The following PLD5 variants were observed in gnomAD, a reference collection of about 807,000 sequenced individuals.
PLD5 encodes inactive phospholipase D5.
In PLD5, 36 loss-of-function variants were observed where a neutral mutation model predicts 61.1. The observed-to-expected ratio is 0.59, with a 90% confidence interval of 0.45 to 0.78. PLD5 has a LOEUF of 0.78. Ranked by LOEUF, PLD5 falls within the 30% of genes least tolerant of loss-of-function variation. The pLI, the probability that PLD5 is intolerant of heterozygous loss-of-function variation, is 0.00. For synonymous variants in PLD5, 243 were observed against 242.8 expected, an observed-to-expected ratio of 1.00 and a Z score of -0.01; for missense variants, 515 against 644.4, an observed-to-expected ratio of 0.80 and a Z score of 2.17.
chr1:242,464,972 C>T (rs1667230353), intron 1 of PLD5, among the ~76,000 whole-genome samples: 1 of 152,144 alleles, frequency 6.6e-6, no homozygotes, highest in African/African-American at 2.4e-5. Flanking sequence ...TAGAAATTAT[C>T]TTTGTGGTTG....
In PLD5 at chr1:242,276,093, C is replaced by T. The variant is rs547908438; in HGVS notation, c.496-10645G>A. ...TGGCTCATGCCTGTAATCACAACCACTTGGTCAGGCCAGGCAGGAGGATCA... is the reference window on the plus strand; with the variant it reads ...TGGCTCATGCCTGTAATCACAACCATTTGGTCAGGCCAGGCAGGAGGATCA... On this transcript the variant is annotated intron_variant, in intron 3 of 9. Coordinates refer to ENST00000536534, the MANE Select transcript of PLD5 (RefSeq NM_001372062.1). 7.0e-4 allele frequency among the ~76,000 whole-genome samples: 106 copies of T among 152,154 alleles called. 1 individual carries two copies. In the Middle Eastern group the frequency reaches 0.01, roughly 15 times the overall value.
In PLD5 at chr1:242,345,786, G is replaced by A; in HGVS notation, c.326+2320C>T. The A allele has an allele frequency of 7.6e-6, 4 of 528,264 alleles. No homozygotes were observed. The Admixed American group carries it at 1.1e-4, about 14-fold the overall frequency. The allele number at this position is 528,264 out of a possible 1,614,324, so 32.7% of individuals were successfully genotyped here. A position where few individuals can be genotyped will look rare whatever the true frequency, so the allele number is the denominator to read the frequency against. ...ACAACAGGTTGGAAACTGGATTAGG[G>A]TATAAGGAAATGCAGCAACCCTACC... On this transcript the variant is annotated intron_variant, in intron 2 of 9. Transcript: ENST00000536534.
intron 5 of PLD5, among the ~76,000 whole-genome samples, chr1:242,198,004 G>A (rs923243588): frequency 6.6e-6 from 1 of 151,948 alleles, no homozygotes; most frequent in African/African-American, 2.4e-5. Flanking sequence ...AAACACCCTC[G>A]GCCTCACTGT....
At chr1:242,258,207 T>C (rs1673190057) in intron 4 of PLD5, among the ~76,000 whole-genome samples, 3 of 152,184 alleles carry the variant, frequency 2.0e-5, no homozygotes, top group Admixed American at 1.3e-4. Context: ...GCACACTTCC[T>C]ATCACTGAAT....
intron 2 of PLD5, among the ~76,000 whole-genome samples, chr1:242,313,708 A>G (rs1411974005): frequency 6.6e-6 from 1 of 152,166 alleles, no homozygotes; most frequent in African/African-American, 2.4e-5. Flanking sequence ...ACCTTTTCCA[A>G]CAAAAAATCT....
chr1:242,521,955 T>C (rs1034240218), intron 1 of PLD5, among the ~76,000 whole-genome samples: 1 of 141,600 alleles, frequency 7.1e-6, no homozygotes, highest in African/African-American at 2.6e-5. Flanking sequence ...TATAAACAAC[T>C]AGCTCTTGAA....
chr1:242,416,447 A>T (rs1358465507), intron 1 of PLD5, among the ~76,000 whole-genome samples: 1 of 152,214 alleles, frequency 6.6e-6, no homozygotes, highest in Non-Finnish European at 1.5e-5. Flanking sequence ...ATGTTACATG[A>T]CACAGAATAT....
At chr1:242,357,611 G>C (rs144912960) in intron 1 of PLD5, among the ~76,000 whole-genome samples, 3 of 151,140 alleles carry the variant, frequency 2.0e-5, no homozygotes, top group Non-Finnish European at 2.9e-5. Flanking sequence ...TCAGCCTCCC[G>C]AGTAGCTGGG....
At chr1:242,301,438 G>A (rs1676030598) in intron 2 of PLD5, among the ~76,000 whole-genome samples, 1 of 152,058 alleles carries the variant, frequency 6.6e-6, no homozygotes. Flanking sequence ...AGGCAATAGA[G>A]AAGAAAACAC....
At chr1:242,486,797 A>G (rs1385378691) in intron 1 of PLD5, among the ~76,000 whole-genome samples, 1 of 152,296 alleles carries the variant, frequency 6.6e-6, no homozygotes. Context: ...AATAGCAAAG[A>G]CTTGGAACCA....
At chr1:242,385,175 T>G (rs184345355) in intron 1 of PLD5, among the ~76,000 whole-genome samples, 3 of 152,274 alleles carry the variant, frequency 2.0e-5, no homozygotes, top group Admixed American at 2.0e-4. Flanking sequence ...AGTCCAGTGA[T>G]AATCAAAAAA....
At chr1:242,204,883 CA>C (rs998170812) in intron 5 of PLD5, among the ~76,000 whole-genome samples, 3 of 151,260 alleles carry the variant, frequency 2.0e-5, no homozygotes, top group Non-Finnish European at 4.4e-5. Context: ...TAGTAACAGC[CA>C]AAAAAAAGAA....
chr1:242,221,140 C>T (rs934044672), intron 4 of PLD5, among the ~76,000 whole-genome samples: 2 of 152,144 alleles, frequency 1.3e-5, no homozygotes, highest in Non-Finnish European at 2.9e-5. Context: ...CTGAATGTGA[C>T]CAATTGTTTT....
intron 2 of PLD5, among the ~76,000 whole-genome samples, chr1:242,335,002 G>T (rs1659417836): frequency 1.3e-5 from 2 of 152,062 alleles, no homozygotes; most frequent in South Asian, 2.1e-4. Flanking sequence ...GACATGACCT[G>T]CCCTTTTGTA....
In PLD5 at chr1:242,083,532, G is replaced by A. The variant is rs1178026577; in HGVS notation, c.*6322C>T. The A allele has an allele frequency of 1.3e-5, 2 of 152,166 alleles. No individual in the cohort carries two copies. The highest frequency in any genetic ancestry group is 3.8e-4 in the East Asian group (2 of 5,196). 9.4% of individuals were successfully genotyped at this position (152,166 alleles called of 1,614,324 possible). On this transcript the variant is annotated 3_prime_UTR_variant, in exon 10 of 10. Coordinates refer to ENST00000536534, the MANE Select transcript of PLD5 (RefSeq NM_001372062.1). ...TGAATGAGAGATAGCTTTATCACTG[G>A]AGACAAATTGGCCTTTGTTTCTCAA...
intron 2 of PLD5, among the ~76,000 whole-genome samples, chr1:242,289,931 T>C (rs372155398): frequency 7.3e-5 from 11 of 149,896 alleles, no homozygotes; most frequent in African/African-American, 2.7e-4. Flanking sequence ...ACCCAAAATA[T>C]TATAACCAGA....
chr1:242,252,473 G>A (rs575954834), intron 4 of PLD5, among the ~76,000 whole-genome samples: 1 of 152,316 alleles, frequency 6.6e-6, no homozygotes, highest in South Asian at 2.1e-4. Context: ...AGCACTTGGG[G>A]AGGCCAAGGT....
intron 1 of PLD5, among the ~76,000 whole-genome samples, chr1:242,507,139 A>T (rs1053902428): frequency 6.6e-6 from 1 of 152,202 alleles, no homozygotes; most frequent in Non-Finnish European, 1.5e-5. Flanking sequence ...TAATGCCTAG[A>T]AATTCTTTTG....
intron 5 of PLD5, among the ~76,000 whole-genome samples, chr1:242,163,824 G>A (rs1666088287): frequency 6.7e-6 from 1 of 150,242 alleles, no homozygotes; most frequent in Admixed American, 6.6e-5. Flanking sequence ...AGCAGGGAGA[G>A]ACGGGTAACA....
Sources: allele counts gnomAD v4.1 joint callset (sites outside exome capture counted in the v4.1 genomes callset), GRCh38; gene constraint gnomAD v4.1.1; transcripts MANE v1.5; gene names NCBI Gene and HGNC (gene_info 2026-07-23, HGNC 2026-07-21).